Variants in MGMT observed in about 807,000 individuals in gnomAD.
MGMT encodes the protein O-6-methylguanine-DNA methyltransferase, also known as methylated-DNA--protein-cysteine methyltransferase.
MGMT carries 14 observed loss-of-function variants against 15.9 expected under a neutral mutation model. The ratio of observed to expected loss-of-function variants is 0.88; its 90% CI spans 0.58 to 1.37. The LOEUF is 1.37. Ranked by LOEUF, MGMT falls within the 40% of genes most tolerant of loss-of-function variation. The pLI is 0.00. For missense variants in MGMT, 282 were observed against 268.1 expected, an observed-to-expected ratio of 1.05 and a Z score of -0.36; for synonymous variants, 130 against 118.2, an observed-to-expected ratio of 1.10 and a Z score of -0.65.
chr10:129,523,117 G>A lies in MGMT; in HGVS notation c.-12-13124G>A, dbSNP rs115787336. Among the ~76,000 whole-genome samples, 536 of 152,364 alleles carry A rather than the reference G, an allele frequency of 3.5e-3. 6 individuals carry two copies. The highest frequency in any genetic ancestry group is 0.012 in the African/African-American group (515 of 41,596). On this transcript the variant is annotated intron_variant, in intron 1 of 4. Coordinates refer to ENST00000651593, the MANE Select transcript of MGMT (RefSeq NM_002412.5). ...TCATGACAGACTGTCACTGTGCAGC[G>A]CAGCAGTTAGTTGGTTCCTGAAGTG...
chr10:129,479,455 C>T (rs1478619023), intron 1 of MGMT, among the ~76,000 whole-genome samples: 1 of 151,896 alleles, frequency 6.6e-6, no homozygotes, highest in African/African-American at 2.4e-5. Context: ...GAATTGTAGT[C>T]ATATACTGAC....
intron 2 of MGMT, among the ~76,000 whole-genome samples, chr10:129,660,182 C>T (rs1051909370): frequency 6.6e-6 from 1 of 152,156 alleles, no homozygotes; most frequent in African/African-American, 2.4e-5. Context: ...CGTTTCTGAG[C>T]ACTCATTTAT....
chr10:129,484,253 G>A (rs1007535028), intron 1 of MGMT, among the ~76,000 whole-genome samples: 4 of 152,130 alleles, frequency 2.6e-5, no homozygotes, highest in Admixed American at 6.5e-5. Context: ...CTCCAATTGC[G>A]CATGTGCTGC....
intron 2 of MGMT, among the ~76,000 whole-genome samples, chr10:129,545,273 T>C (rs909123475): frequency 6.6e-6 from 1 of 152,168 alleles, no homozygotes; most frequent in Non-Finnish European, 1.5e-5. Context: ...TTGCCTGCAG[T>C]TGAGGGAGCC....
chr10:129,478,502 G>GAT (rs1198575612), intron 1 of MGMT, among the ~76,000 whole-genome samples: 1 of 152,210 alleles, frequency 6.6e-6, no homozygotes, highest in African/African-American at 2.4e-5. Flanking sequence ...AGAAAAGGTA[G>GAT]ATAGAAAAGG....
intron 2 of MGMT, 69 bp downstream of exon 2, chr10:129,536,446 G>A (rs781509197): frequency 3.2e-6 from 5 of 1,544,606 alleles, no homozygotes; most frequent in Admixed American, 2.1e-5. Context: ...ATGTGATAAC[G>A]GCATGTTTTC....
At chr10:129,629,673 G>A (rs187871975) in intron 2 of MGMT, among the ~76,000 whole-genome samples, 1 of 152,224 alleles carries the variant, frequency 6.6e-6, no homozygotes, top group African/African-American at 2.4e-5. Flanking sequence ...CCTGTGTAAG[G>A]GTTGCTCCAC....
intron 1 of MGMT, among the ~76,000 whole-genome samples, chr10:129,508,499 A>G (rs1845647368): frequency 6.6e-6 from 1 of 151,168 alleles, no homozygotes; most frequent in South Asian, 2.1e-4. Flanking sequence ...GGTATACAAC[A>G]GATTTAATTT....
intron 1 of MGMT, among the ~76,000 whole-genome samples, chr10:129,481,350 T>C (rs1043548211): frequency 1.3e-5 from 2 of 152,236 alleles, no homozygotes; most frequent in Middle Eastern, 3.2e-3. Context: ...CATAGATTGC[T>C]GGATTTGACG....
intron 2 of MGMT, among the ~76,000 whole-genome samples, chr10:129,618,592 T>C (rs773667623): frequency 6.6e-5 from 10 of 152,092 alleles, no homozygotes; most frequent in Non-Finnish European, 1.2e-4. Context: ...CAGAGATATT[T>C]CACAGTTTTG....
intron 1 of MGMT, among the ~76,000 whole-genome samples, chr10:129,507,864 C>G (rs1335493165): frequency 1.3e-5 from 2 of 152,202 alleles, no homozygotes; most frequent in African/African-American, 2.4e-5. Flanking sequence ...AGCTGTTAAA[C>G]TTCAGCAGCT....
At chr10:129,752,469 A>G (rs891163316) in intron 3 of MGMT, among the ~76,000 whole-genome samples, 1 of 152,006 alleles carries the variant, frequency 6.6e-6, no homozygotes. Flanking sequence ...GATCATTTAC[A>G]TTTAATGTAA....
intron 2 of MGMT, among the ~76,000 whole-genome samples, chr10:129,640,592 C>T (rs1847316918): frequency 9.7e-6 from 1 of 103,530 alleles, no homozygotes. Context: ...CCAGAAAATA[C>T]ACGAGGAAAT....
chr10:129,660,792 A>ACACACACG (rs1276429447), intron 2 of MGMT, among the ~76,000 whole-genome samples: 5 of 151,932 alleles, frequency 3.3e-5, no homozygotes, highest in East Asian at 3.9e-4. Flanking sequence ...ACACACACAC[A>ACACACACG]CACACACGCA....
At chr10:129,748,291 C>G (rs1331541389) in intron 3 of MGMT, among the ~76,000 whole-genome samples, 1 of 152,112 alleles carries the variant, frequency 6.6e-6, no homozygotes, top group African/African-American at 2.4e-5. Flanking sequence ...TCTTCCAATA[C>G]TACTTTATTT....
intron 2 of MGMT, among the ~76,000 whole-genome samples, chr10:129,679,210 T>G (rs575487216): frequency 1.3e-5 from 2 of 152,332 alleles, no homozygotes; most frequent in South Asian, 2.1e-4. Flanking sequence ...TTGATTAAAT[T>G]TCATACTTTT....
intron 2 of MGMT, among the ~76,000 whole-genome samples, chr10:129,704,284 T>C (rs1848133594): frequency 6.6e-6 from 1 of 152,096 alleles, no homozygotes; most frequent in African/African-American, 2.4e-5. Flanking sequence ...CTAAGGAAAC[T>C]CTGAGAGAGG....
chr10:129,617,804 G>A (rs1211711757), intron 2 of MGMT, among the ~76,000 whole-genome samples: 1 of 151,930 alleles, frequency 6.6e-6, no homozygotes, highest in Non-Finnish European at 1.5e-5. Flanking sequence ...TTGTTAATTT[G>A]TTTAAGTTCT....
At chr10:129,620,156 A>G in intron 2 of MGMT, among the ~76,000 whole-genome samples, 1 of 152,228 alleles carries the variant, frequency 6.6e-6, no homozygotes, top group East Asian at 1.9e-4. Context: ...ATAAGTATTC[A>G]AAACTAGACA....
Sources: gnomAD v4.1 joint callset for allele counts (sites outside exome capture counted in the v4.1 genomes callset) on GRCh38, gnomAD v4.1.1 for gene constraint, MANE v1.5 for transcripts, NCBI Gene and HGNC (gene_info 2026-07-23, HGNC 2026-07-21) for gene names.